Variants in HDX observed in about 807,000 individuals in gnomAD.
The protein encoded by HDX is highly divergent homeobox, also known as chromosome X open reading frame 43.
Under a neutral mutation model 45.2 loss-of-function variants are expected in HDX, and 19 were observed. The ratio of observed to expected loss-of-function variants is 0.42; its 90% CI spans 0.29 to 0.62. HDX has a LOEUF of 0.62. Among genes scored for constraint, HDX ranks in the 20% least tolerant of loss-of-function variants. HDX has a pLI of 0.20. For missense variants in HDX, 532 were observed against 493.9 expected (o/e 1.08, Z -0.73); for synonymous variants, 188 against 172.8 (o/e 1.09, Z -0.69).
At chrX:84,397,764 G>T (rs1017985773) in intron 5 of HDX, among the ~76,000 whole-genome samples, 3 of 111,843 alleles carry the variant, frequency 2.7e-5, no homozygotes, top group African/African-American at 9.8e-5. Context: ...AAGCCATCTT[G>T]AAGTACCTCC....
intron 5 of HDX, among the ~76,000 whole-genome samples, chrX:84,392,177 T>C (rs753708610): frequency 8.9e-6 from 1 of 112,000 alleles, no homozygotes; most frequent in Non-Finnish European, 1.9e-5. Flanking sequence ...GAGACTATCA[T>C]TTCCCAAATG....
intron 5 of HDX, among the ~76,000 whole-genome samples, chrX:84,410,266 T>C (rs1224257006): frequency 9.0e-6 from 1 of 110,897 alleles, no homozygotes; most frequent in Admixed American, 9.7e-5. Context: ...CTTTTCCCTA[T>C]TCAGTGTGAT....
At chrX:84,326,337 T>A (rs770743960) in intron 9 of HDX, 37 bp from the exon 10 acceptor site, 12 of 1,081,962 alleles carry the variant, frequency 1.1e-5, no homozygotes, top group East Asian at 6.1e-5. Flanking sequence ...AATTACCTTA[T>A]GTAAACCCAG....
intron 5 of HDX, 24 bp from the exon 6 acceptor site, chrX:84,361,636 T>C (rs1333646595): frequency 9.0e-7 from 1 of 1,111,547 alleles, no homozygotes; most frequent in African/African-American, 1.8e-5. Flanking sequence ...TTTTAAATTG[T>C]TTTGAATTTT....
chrX:84,490,369 A>G (rs904970057), intron 1 of HDX, among the ~76,000 whole-genome samples: 1 of 112,018 alleles, frequency 8.9e-6, no homozygotes, highest in African/African-American at 3.2e-5. Context: ...CGTATCCACT[A>G]AATTATCCTT....
intron 5 of HDX, among the ~76,000 whole-genome samples, chrX:84,431,051 T>C (rs1478121361): frequency 9.0e-6 from 1 of 110,760 alleles, no homozygotes; most frequent in Non-Finnish European, 1.9e-5. Context: ...TACTATTGTC[T>C]GTTATCCCTT....
At position 84,336,804 on chromosome X, in the gene HDX, A is replaced by G. The variant is rs1569280022; in HGVS notation, c.1737T>C (p.Asn579=). ...AAGAATTTCAAACTGTACATACCAC[A>G]TTATCTGTGGTTACTGCATGGTGGT... ...EEDHHAVTTD[N]VKIEIIDDEE... Residue 579 remains asparagine (N), a synonymous_variant, in exon 8 of 11, where the codon AAT becomes AAC. Transcript: ENST00000373177. The G allele has an allele frequency of 8.7e-7, 1 of 1,155,061 alleles. No individual in the cohort carries two copies. The highest frequency in any genetic ancestry group is 3.0e-5 in the East Asian group (1 of 33,378).
At chrX:84,477,664 A>G (rs762885231) in intron 2 of HDX, among the ~76,000 whole-genome samples, 29 of 112,074 alleles carry the variant, frequency 2.6e-4, no homozygotes, top group South Asian at 1.1e-3. Context: ...CACCCTAGCA[A>G]TCTTGGCCTC....
chrX:84,367,198 T>C (rs2037779183), intron 5 of HDX, among the ~76,000 whole-genome samples: 1 of 111,778 alleles, frequency 8.9e-6, no homozygotes, highest in Non-Finnish European at 1.9e-5. Flanking sequence ...AGGATATAAA[T>C]AAACACTTCT....
chrX:84,475,176 T>A, intron 3 of HDX, 75 bp downstream of exon 3: 9 of 884,058 alleles, frequency 1.0e-5, no homozygotes, highest in Non-Finnish European at 1.5e-5. Flanking sequence ...ATACCCTGAA[T>A]ATTTTTTCTC....
intron 5 of HDX, among the ~76,000 whole-genome samples, chrX:84,370,166 C>T (rs150385620): frequency 1.2e-3 from 139 of 111,880 alleles, no homozygotes; most frequent in African/African-American, 4.3e-3. Context: ...GTGGGACACT[C>T]GTGTTTTCTA....
At chrX:84,446,086 CCT>C (rs958678322) in intron 4 of HDX, among the ~76,000 whole-genome samples, 2 of 110,703 alleles carry the variant, frequency 1.8e-5, no homozygotes, top group African/African-American at 6.5e-5. Context: ...TGAGATATTC[CCT>C]GTTAAAAATA....
rs1409786449 is a variant in HDX at position 84,318,843 on chromosome X, A to G, written c.*3046T>C. 1 of 111,487 alleles carries G rather than the reference A, an allele frequency of 9.0e-6. No homozygotes were observed. The highest frequency in any genetic ancestry group is 3.2e-5 in the African/African-American group (1 of 30,853). The allele number at this position is 111,487 out of a possible 1,213,427, so 9.2% of individuals were successfully genotyped here. A position where few individuals can be genotyped will look rare whatever the true frequency, so the allele number is the denominator to read the frequency against. On this transcript the variant is annotated 3_prime_UTR_variant, in exon 11 of 11. Coordinates refer to ENST00000373177, the MANE Select transcript of HDX (RefSeq NM_001177479.2). ...TGGCAATACAAAAATCCTGCTGTTGATAACTGACCTTAGGACAAAACATCC... is the reference window on the plus strand; with the variant it reads ...TGGCAATACAAAAATCCTGCTGTTGGTAACTGACCTTAGGACAAAACATCC...
In HDX at chrX:84,321,982, C is replaced by G; in HGVS notation, c.1980G>C (p.Glu660Asp). 1 of 1,180,742 alleles carries G rather than the reference C, an allele frequency of 8.5e-7. No individual in the cohort carries two copies. The part of the protein sequence containing the change: ...ALLSDLPPEL[E>D]EMDFNHASLE... ...GTGAGGCATGATTGAAATCCATTTC[C>G]TCTAATTCAGGAGGTAAATCTGACA... is the stretch of plus-strand genomic sequence containing the variant. The change falls in exon 11 of 11, where the codon GAG becomes GAC. Residue 660 changes from glutamate (E) to aspartate (D), a missense_variant. Physicochemically the swap from Glu to Asp is conservative, Grantham distance 45. Around this residue, in one of 3 missense-constraint regions of HDX, gnomAD observed 151 missense variants for 131.8 expected, o/e 1.15. Coordinates refer to ENST00000373177, the MANE Select transcript of HDX (RefSeq NM_001177479.2).
chrX:84,468,876 G>A lies in HDX; in HGVS notation c.847C>T (p.Pro283Ser), dbSNP rs755527351. ...YPQRILGGNA[P>S]QKPSSAEGNC... ...CCTTCTGCTGAGCTAGGCTTCTGTG[G>A]GGCATTTCCTCCCAGAATTCTCTGG... The change falls in exon 4 of 11, where the codon CCA becomes TCA. Residue 283 changes from proline (P) to serine (S), a missense_variant. Physicochemically the swap from Pro to Ser is moderately conservative, Grantham distance 74. This residue lies in a region of HDX where 376 missense variants were observed against 343.7 expected (regional missense o/e 1.09). Coordinates refer to ENST00000373177, the MANE Select transcript of HDX (RefSeq NM_001177479.2). The A allele has an allele frequency of 3.3e-6, 4 of 1,211,022 alleles. No individual in the cohort carries two copies. The highest frequency in any genetic ancestry group is 4.6e-4 in the Middle Eastern group (2 of 4,350).
At chrX:84,481,156 T>G (rs1461182025) in intron 2 of HDX, among the ~76,000 whole-genome samples, 1 of 111,560 alleles carries the variant, frequency 9.0e-6, no homozygotes, top group African/African-American at 3.3e-5. Flanking sequence ...TATTATTATT[T>G]TACTGTCTGT....
chrX:84,466,155 T>C (rs1264954704), intron 4 of HDX, among the ~76,000 whole-genome samples: 1 of 112,244 alleles, frequency 8.9e-6, no homozygotes, highest in Non-Finnish European at 1.9e-5. Flanking sequence ...CTTGTGATAA[T>C]TGTGGTCTGT....
chrX:84,406,520 ACACACACACACACAC>A (rs1374703655), intron 5 of HDX, among the ~76,000 whole-genome samples: 2 of 27,830 alleles, frequency 7.2e-5, no homozygotes, highest in East Asian at 2.2e-3. Context: ...ACACACACAT[ACACACACACACACAC>A]TCTATGTATC....
chrX:84,449,548 A>G (rs1430463526), intron 4 of HDX, among the ~76,000 whole-genome samples: 2 of 112,215 alleles, frequency 1.8e-5, no homozygotes, highest in Non-Finnish European at 1.9e-5. Flanking sequence ...CCTGCAAGCC[A>G]AGGATATTAT....
Sources: allele counts gnomAD v4.1 joint callset (sites outside exome capture counted in the v4.1 genomes callset), GRCh38; gene constraint gnomAD v4.1.1; regional missense constraint gnomAD v4.1.1; transcripts MANE v1.5; gene names NCBI Gene and HGNC (gene_info 2026-07-23, HGNC 2026-07-21).